The following ATP8A2 variants were observed in gnomAD, a reference collection of about 807,000 sequenced individuals.
ATP8A2 encodes ATPase phospholipid transporting 8A2, also known as phospholipid-transporting ATPase IB.
ATP8A2 carries 100 observed loss-of-function variants against 165.6 expected under a neutral mutation model. That is an observed-to-expected ratio of 0.60 (90% CI 0.51 to 0.71). The LOEUF is 0.71. Ranked by LOEUF, ATP8A2 falls within the 30% of genes least tolerant of loss-of-function variation. The pLI is 0.00. For missense variants in ATP8A2, 1,227 were observed against 1,479.5 expected (o/e 0.83, Z 2.80); for synonymous variants, 543 against 548.8 (o/e 0.99, Z 0.15).
At chr13:25,382,650 G>A (rs984270736) in intron 1 of ATP8A2, among the ~76,000 whole-genome samples, 1 of 151,980 alleles carries the variant, frequency 6.6e-6, no homozygotes, top group African/African-American at 2.4e-5. Flanking sequence ...GTGGTGTCTC[G>A]TTATTTAAAT....
chr13:25,505,970 T>A lies in ATP8A2; in HGVS notation c.222-24029T>A, dbSNP rs138610578. Among the ~76,000 whole-genome samples, 558 of 149,948 alleles carry A rather than the reference T, an allele frequency of 3.7e-3. 1 individual carries two copies. The highest frequency in any genetic ancestry group is 0.012 in the African/African-American group (487 of 40,720). ...CCACTGCAGAGTGTAGAGCTAGAGG[T>A]GTGGAAAGGTCAAGCAGCTTCTCCA... On this transcript the variant is annotated intron_variant, in intron 2 of 36. Coordinates refer to ENST00000381655, the MANE Select transcript of ATP8A2 (RefSeq NM_016529.6).
intron 27 of ATP8A2, among the ~76,000 whole-genome samples, chr13:25,805,508 C>T (rs144508753): frequency 5.3e-5 from 8 of 151,864 alleles, no homozygotes; most frequent in African/African-American, 1.9e-4. Flanking sequence ...CAGAGTAAGA[C>T]CCTGTCTCAA....
intron 1 of ATP8A2, among the ~76,000 whole-genome samples, chr13:25,384,061 A>G (rs1209340824): frequency 6.6e-6 from 1 of 152,102 alleles, no homozygotes; most frequent in Non-Finnish European, 1.5e-5. Context: ...AAACGCTTTC[A>G]TGTCATCTTC....
chr13:25,531,446 T>C (rs1276521757), intron 4 of ATP8A2, among the ~76,000 whole-genome samples: 2 of 66,192 alleles, frequency 3.0e-5, no homozygotes, highest in Admixed American at 1.4e-4. Context: ...TATATATGAT[T>C]ATATATATGA....
intron 2 of ATP8A2, among the ~76,000 whole-genome samples, chr13:25,490,171 G>GC (rs1471818207): frequency 1.6e-4 from 25 of 152,272 alleles, no homozygotes; most frequent in African/African-American, 6.0e-4. Context: ...TAAGTTCGTG[G>GC]CCCCTTTTTC....
intron 24 of ATP8A2, among the ~76,000 whole-genome samples, chr13:25,639,951 A>C (rs186900719): frequency 6.6e-6 from 1 of 152,356 alleles, no homozygotes; most frequent in Non-Finnish European, 1.5e-5. Flanking sequence ...TAAGAAACTC[A>C]TTCAAAACTG....
chr13:25,579,917 G>T lies in ATP8A2; in HGVS notation c.1977G>T (p.Arg659=). The change falls in exon 22 of 37, where the codon CGG becomes CGT. Residue 659 remains arginine (R), a synonymous_variant. Coordinates refer to ENST00000381655, the MANE Select transcript of ATP8A2 (RefSeq NM_016529.6). ...CCATATTGAAGGACAGAGCTCAACG[G>T]TTGGAAGAGTGTTACGAGATCATTG... ...ASTILKDRAQ[R]LEECYEIIEK... 6.2e-7 allele frequency: 1 copy of T among 1,614,064 alleles called. No homozygotes were observed. Among genetic ancestry groups the T allele is most frequent in the Non-Finnish European group, 8.5e-7 (1 of 1,179,978 alleles).
chr13:25,874,914 A>G (rs1215195774), intron 33 of ATP8A2, among the ~76,000 whole-genome samples: 1 of 152,222 alleles, frequency 6.6e-6, no homozygotes, highest in Non-Finnish European at 1.5e-5. Flanking sequence ...TCACCATTCT[A>G]CAACATGGTT....
At position 25,699,117 on chromosome 13, in the gene ATP8A2, T is replaced by A. The variant is rs2042895664; in HGVS notation, c.2212-56T>A. 2.3e-6 allele frequency: 3 copies of A among 1,331,644 alleles called. No individual in the cohort carries two copies. The East Asian group carries it at 7.3e-5, about 33-fold the overall frequency. 82.5% of individuals were successfully genotyped at this position (1,331,644 alleles called of 1,614,324 possible). A position where few individuals can be genotyped will look rare whatever the true frequency, so the allele number is the denominator to read the frequency against. On this transcript the variant is annotated intron_variant, in intron 24 of 36. Transcript: ENST00000381655. The stretch of plus-strand genomic sequence containing the variant: ...AGAAACTTAATTTTGAATTCTATTT[T>A]GTTTTTGATATTAAACACACAAAAA...
chr13:25,550,369 A>T (rs2038784346), intron 10 of ATP8A2, among the ~76,000 whole-genome samples: 1 of 152,138 alleles, frequency 6.6e-6, no homozygotes, highest in Non-Finnish European at 1.5e-5. Flanking sequence ...TTACTGGTGG[A>T]GGAGGGGGTG....
intron 33 of ATP8A2, among the ~76,000 whole-genome samples, chr13:25,870,406 C>A (rs1365460151): frequency 6.6e-6 from 1 of 152,140 alleles, no homozygotes; most frequent in African/African-American, 2.4e-5. Context: ...GGGGGTGGAG[C>A]CCTAGCCAGG....
chr13:25,607,302 C>G (rs139450424), intron 24 of ATP8A2, among the ~76,000 whole-genome samples: 41 of 152,242 alleles, frequency 2.7e-4, no homozygotes, highest in Admixed American at 2.0e-3. Flanking sequence ...AAATCCAGCT[C>G]ACCACTTGTT....
At chr13:25,575,054 G>C (rs1176616249) in intron 19 of ATP8A2, among the ~76,000 whole-genome samples, 197 bp downstream of exon 19, 1 of 152,050 alleles carries the variant, frequency 6.6e-6, no homozygotes, top group Non-Finnish European at 1.5e-5. Flanking sequence ...ATTTTTCTTT[G>C]TTTTATTCAA....
At position 26,021,506 on chromosome 13, in the gene ATP8A2, A is replaced by T. The variant is rs890004615; in HGVS notation, c.*1521A>T. 7 of 152,254 alleles carry T rather than the reference A, an allele frequency of 4.6e-5. No individual in the cohort carries two copies. Among genetic ancestry groups the T allele is most frequent in the African/African-American group, 1.7e-4 (7 of 41,468 alleles). The allele number at this position is 152,254 out of a possible 1,614,324, so 9.4% of individuals were successfully genotyped here. ...AATTATCTAAGACAAGGAAGTGAAGAGCGGAATCACTGACTTTCCCAACTG... is the reference window on the plus strand; with the variant it reads ...AATTATCTAAGACAAGGAAGTGAAGTGCGGAATCACTGACTTTCCCAACTG... On this transcript the variant is annotated 3_prime_UTR_variant, in exon 37 of 37. Transcript: ENST00000381655.
chr13:25,806,209 A>T (rs1026661065), intron 27 of ATP8A2, among the ~76,000 whole-genome samples: 2 of 152,168 alleles, frequency 1.3e-5, no homozygotes, highest in Non-Finnish European at 2.9e-5. Flanking sequence ...CCCTGCCGAT[A>T]AGACTTAGGA....
intron 2 of ATP8A2, among the ~76,000 whole-genome samples, chr13:25,481,711 G>A (rs2036208226): frequency 1.3e-5 from 2 of 152,206 alleles, no homozygotes; most frequent in African/African-American, 4.8e-5. Flanking sequence ...AGATCAGGGT[G>A]CCAGCATGAT....
intron 33 of ATP8A2, among the ~76,000 whole-genome samples, chr13:25,880,181 A>C (rs1194615963): frequency 6.6e-6 from 1 of 152,238 alleles, no homozygotes; most frequent in Non-Finnish European, 1.5e-5. Context: ...ACATGTAATC[A>C]TACATAATTC....
chr13:25,689,951 C>T (rs1365265623), intron 24 of ATP8A2, among the ~76,000 whole-genome samples: 1 of 152,094 alleles, frequency 6.6e-6, no homozygotes, highest in East Asian at 1.9e-4. Context: ...GTAAATGCTT[C>T]TTAAAACATA....
intron 24 of ATP8A2, among the ~76,000 whole-genome samples, chr13:25,692,332 C>A (rs151158193): frequency 7.5e-4 from 114 of 152,224 alleles, no homozygotes; most frequent in African/African-American, 2.6e-3. Context: ...AGCTCTGAGC[C>A]CACTGGAATT....
Sources: gnomAD v4.1 joint callset for allele counts (sites outside exome capture counted in the v4.1 genomes callset) on GRCh38, gnomAD v4.1.1 for gene constraint, MANE v1.5 for transcripts, NCBI Gene and HGNC (gene_info 2026-07-23, HGNC 2026-07-21) for gene names.